The following NRXN1 variants were observed in gnomAD, a reference collection of about 807,000 sequenced individuals.
NRXN1 encodes the protein neurexin 1.
In NRXN1, 39 loss-of-function variants were observed where a neutral mutation model predicts 150.9. The ratio of observed to expected loss-of-function variants is 0.26; its 90% CI spans 0.20 to 0.34. NRXN1 has a LOEUF of 0.34. Ranked by LOEUF, NRXN1 falls within the 10% of genes least tolerant of loss-of-function variation. NRXN1 has a pLI of 1.00. For synonymous variants in NRXN1, 924 were observed against 757.0 expected, an observed-to-expected ratio of 1.22 and a Z score of -3.62; for missense variants, 1,815 against 1,949.9, an observed-to-expected ratio of 0.93 and a Z score of 1.30.
At chr2:50,481,124 A>G (rs77730672) in intron 15 of NRXN1, among the ~76,000 whole-genome samples, 3,004 of 152,294 alleles carry the variant, frequency 0.02, 107 homozygotes, top group African/African-American at 0.069. Flanking sequence ...TCTTATTGCA[A>G]GCCCAGGTCT....
intron 13 of NRXN1, among the ~76,000 whole-genome samples, chr2:50,498,040 A>C (rs1299713560): frequency 7.9e-5 from 12 of 152,160 alleles, no homozygotes; most frequent in Admixed American, 7.9e-4. Context: ...GAGAGGGAGG[A>C]AAAAAGGAAA....
intron 8 of NRXN1, among the ~76,000 whole-genome samples, chr2:50,575,490 A>C (rs577012494): frequency 6.6e-6 from 1 of 152,170 alleles, no homozygotes; most frequent in African/African-American, 2.4e-5. Context: ...CCAATCCCGC[A>C]TACCGTTTAA....
chr2:50,610,053 GA>G (rs1007294594), intron 8 of NRXN1, among the ~76,000 whole-genome samples: 1 of 151,854 alleles, frequency 6.6e-6, no homozygotes, highest in African/African-American at 2.4e-5. Context: ...TTTTCCTGGG[GA>G]AAAAAAGACA....
intron 18 of NRXN1, among the ~76,000 whole-genome samples, chr2:50,155,873 C>T (rs1376540798): frequency 6.6e-6 from 1 of 151,400 alleles, no homozygotes; most frequent in Non-Finnish European, 1.5e-5. Context: ...CACATTTCTA[C>T]TGTTTAAAAA....
intron 8 of NRXN1, among the ~76,000 whole-genome samples, chr2:50,611,267 C>CT (rs1256137143): frequency 6.6e-6 from 1 of 152,072 alleles, no homozygotes; most frequent in Non-Finnish European, 1.5e-5. Context: ...ACTGAACCCC[C>CT]TGACAGACCA....
chr2:50,277,243 C>A (rs2070615136), intron 17 of NRXN1, among the ~76,000 whole-genome samples: 1 of 152,124 alleles, frequency 6.6e-6, no homozygotes, highest in Admixed American at 6.6e-5. Flanking sequence ...ATTAAGAATT[C>A]TGACTTTTTC....
intron 5 of NRXN1, among the ~76,000 whole-genome samples, chr2:50,800,713 C>A (rs1707472510): frequency 6.6e-6 from 1 of 152,110 alleles, no homozygotes; most frequent in Non-Finnish European, 1.5e-5. Context: ...CCACGCCTAG[C>A]TAATTTTTGC....
intron 22 of NRXN1, among the ~76,000 whole-genome samples, chr2:49,924,306 G>C (rs897349636): frequency 5.1e-4 from 77 of 152,146 alleles, no homozygotes; most frequent in African/African-American, 1.8e-3. Flanking sequence ...GAAAGGAATA[G>C]GGAGAATGGA....
At chr2:50,631,301 A>C in intron 5 of NRXN1, 1 of 298,068 alleles carries the variant, frequency 3.4e-6, no homozygotes, top group Non-Finnish European at 6.6e-6. Context: ...CAATCCAGAA[A>C]TAAATTGCCA....
intron 5 of NRXN1, among the ~76,000 whole-genome samples, chr2:50,765,265 CA>C (rs1702251449): frequency 6.6e-6 from 1 of 151,952 alleles, no homozygotes; most frequent in African/African-American, 2.4e-5. Flanking sequence ...CACTTCAAAA[CA>C]AAAACTACTT....
intron 9 of NRXN1, among the ~76,000 whole-genome samples, chr2:50,548,896 G>T (rs2093553111): frequency 6.6e-6 from 1 of 151,924 alleles, no homozygotes; most frequent in Admixed American, 6.6e-5. Context: ...CTTAGGCGTG[G>T]GTTCCCTCTA....
intron 18 of NRXN1, among the ~76,000 whole-genome samples, chr2:50,128,440 G>T (rs1704935009): frequency 6.6e-6 from 1 of 152,148 alleles, no homozygotes; most frequent in African/African-American, 2.4e-5. Flanking sequence ...GTGAGTAAAA[G>T]AAGGGCCACC....
intron 2 of NRXN1, among the ~76,000 whole-genome samples, chr2:50,961,570 A>T (rs1463123383): frequency 2.0e-5 from 3 of 151,862 alleles, no homozygotes; most frequent in Non-Finnish European, 4.4e-5. Flanking sequence ...AGTAATGGGG[A>T]ATACTTAAAT....
intron 22 of NRXN1, among the ~76,000 whole-genome samples, chr2:49,939,142 T>C (rs1671536226): frequency 6.6e-6 from 1 of 152,232 alleles, no homozygotes; most frequent in Non-Finnish European, 1.5e-5. Context: ...ACATTTTTTC[T>C]ATAACATACT....
chr2:50,286,305 C>T (rs569613362), intron 17 of NRXN1, among the ~76,000 whole-genome samples: 5 of 152,112 alleles, frequency 3.3e-5, no homozygotes, highest in African/African-American at 1.2e-4. Flanking sequence ...CTCACTCCTA[C>T]CCCCTAGTAA....
intron 5 of NRXN1, among the ~76,000 whole-genome samples, chr2:50,809,069 A>G (rs536222771): frequency 6.6e-6 from 1 of 152,250 alleles, no homozygotes; most frequent in East Asian, 1.9e-4. Context: ...GGATTTATAG[A>G]AAGTCAGTCT....
intron 15 of NRXN1, among the ~76,000 whole-genome samples, chr2:50,479,774 T>C (rs1349990719): frequency 1.5e-5 from 2 of 129,292 alleles, no homozygotes; most frequent in Non-Finnish European, 3.3e-5. Flanking sequence ...TTTCTTTTTT[T>C]TTTTTTTTTT....
chr2:50,674,697 G>A (rs1484903272), intron 5 of NRXN1, among the ~76,000 whole-genome samples: 5 of 151,948 alleles, frequency 3.3e-5, no homozygotes, highest in Admixed American at 2.6e-4. Flanking sequence ...ATGAGACAGT[G>A]GTAAAAGTTG....
intron 17 of NRXN1, among the ~76,000 whole-genome samples, chr2:50,384,235 G>A (rs576592021): frequency 2.9e-4 from 44 of 152,166 alleles, no homozygotes; most frequent in African/African-American, 4.8e-4. Flanking sequence ...AGCCGGGTGC[G>A]GTGGCTCATG....
Sources: allele counts gnomAD v4.1 joint callset (sites outside exome capture counted in the v4.1 genomes callset), GRCh38; gene constraint gnomAD v4.1.1; transcripts MANE v1.5; gene names NCBI Gene and HGNC (gene_info 2026-07-23, HGNC 2026-07-21).